ATP9B: variants seen among roughly 807,000 people sequenced by gnomAD.
ATP9B encodes the protein probable phospholipid-transporting ATPase IIB.
A neutral mutation model predicts 146.1 loss-of-function variants in ATP9B; 110 were observed. The observed-to-expected ratio is 0.75, with a 90% CI of 0.65 to 0.88. The LOEUF is 0.88. Ranked by LOEUF, ATP9B falls within the 40% of genes least tolerant of loss-of-function variation. The pLI is 0.00. For synonymous variants in ATP9B, 604 were observed against 569.7 expected (o/e 1.06, Z -0.86); for missense variants, 1,499 against 1,496.4 (o/e 1.00, Z -0.03).
At position 79,342,269 on chromosome 18, in the gene ATP9B, T is replaced by C; in HGVS notation, c.2285T>C (p.Ile762Thr). The change falls in exon 20 of 30, where the codon ATA becomes ACA. Residue 762 changes from isoleucine (I) to threonine (T), a missense_variant and splice_region_variant. Physicochemically the swap from Ile to Thr is moderately conservative, Grantham distance 89 (BLOSUM62 -1). Coordinates refer to ENST00000426216, the MANE Select transcript of ATP9B (RefSeq NM_198531.5). ...LEMLRNAGIKIWMLTGDKLET... is the reference protein window; with the variant it reads ...LEMLRNAGIKTWMLTGDKLET... Reference sequence around the variant, plus strand: ...TCACCAGTTTAAATTGTTCCCTAGATATGGATGCTAACAGGCGATAAACTC... The same window carrying C: ...TCACCAGTTTAAATTGTTCCCTAGACATGGATGCTAACAGGCGATAAACTC... 8.7e-6 allele frequency: 14 copies of C among 1,610,852 alleles called. No homozygotes were observed. The highest frequency in any genetic ancestry group is 1.1e-5 in the Non-Finnish European group (13 of 1,177,304).
intron 9 of ATP9B, among the ~76,000 whole-genome samples, chr18:79,201,633 T>C (rs1035602442): frequency 7.9e-5 from 12 of 152,094 alleles, no homozygotes; most frequent in Non-Finnish European, 1.2e-4. Flanking sequence ...TGCAGTGGCG[T>C]GATCTCGGCT....
intron 15 of ATP9B, 53 bp downstream of exon 15, chr18:79,307,287 A>G (rs2096624914): frequency 6.2e-7 from 1 of 1,607,004 alleles, no homozygotes; most frequent in Non-Finnish European, 8.5e-7. Context: ...TGGACTCCAG[A>G]GTCATGAGGA....
chr18:79,299,759 A>G (rs897652868), intron 13 of ATP9B: 2 of 152,274 alleles, frequency 1.3e-5, no homozygotes, highest in African/African-American at 4.8e-5. Context: ...CCTGCAGGTT[A>G]CAGCAGGATT....
At position 79,337,407 on chromosome 18, in the gene ATP9B, C is replaced by T. The variant is rs201468384; in HGVS notation, c.2241C>T (p.Asp747=). Residue 747 remains aspartate (D), a synonymous_variant, in exon 19 of 30, where the codon GAC becomes GAT. Coordinates refer to ENST00000426216, the MANE Select transcript of ATP9B (RefSeq NM_198531.5). ...LTGVEDQLQA[D]VRPTLEMLRN... ...GCGTGGAGGACCAGCTGCAGGCAGA[C>T]GTGCGGCCCACGCTGGAGATGCTGC... 99 of 1,613,636 alleles carry T rather than the reference C, an allele frequency of 6.1e-5. No homozygotes were observed. The East Asian group carries it at 1.8e-3, about 30-fold the overall frequency.
At chr18:79,246,776 G>C (rs1344090941) in intron 11 of ATP9B, among the ~76,000 whole-genome samples, 4 of 152,176 alleles carry the variant, frequency 2.6e-5, no homozygotes, top group African/African-American at 9.6e-5. Context: ...GTGTGAGTAC[G>C]ACTCTGAGAC....
At position 79,245,763 on chromosome 18, in the gene ATP9B, G is replaced by GCCCTACTGACTGAGGAGGGCACCA. The variant is rs1568483552; in HGVS notation, c.1108-7598_1108-7575dup. ...CGCCCTGCTGACTGAGGAGGGCACC[G>GCCCTACTGACTGAGGAGGGCACCA]CCCTACTGACTGAGGAGGGCACCAC... On this transcript the variant is annotated intron_variant, in intron 11 of 29. Coordinates refer to ENST00000426216, the MANE Select transcript of ATP9B (RefSeq NM_198531.5). 9.3e-4 allele frequency among the ~76,000 whole-genome samples: 90 copies of GCCCTACTGACTGAGGAGGGCACCA among 96,968 alleles called. 1 individual carries two copies. Among genetic ancestry groups the GCCCTACTGACTGAGGAGGGCACCA allele is most frequent in the African/African-American group, 2.6e-3 (77 of 29,264 alleles). The allele number at this position is 96,968 out of a possible 152,430, so 63.6% of individuals were successfully genotyped here. A position where few individuals can be genotyped will look rare whatever the true frequency, so the allele number is the denominator to read the frequency against.
chr18:79,290,717 G>A (rs1173351024), intron 13 of ATP9B, among the ~76,000 whole-genome samples: 3 of 152,222 alleles, frequency 2.0e-5, no homozygotes, highest in Non-Finnish European at 4.4e-5. Context: ...TGCTCACGCT[G>A]GGAGCTGTAG....
chr18:79,111,694 G>A (rs540724818), intron 3 of ATP9B, among the ~76,000 whole-genome samples: 5 of 152,286 alleles, frequency 3.3e-5, no homozygotes, highest in African/African-American at 7.2e-5. Flanking sequence ...GATTGCAGTC[G>A]TTTAAAGCCA....
intron 1 of ATP9B, among the ~76,000 whole-genome samples, chr18:79,071,049 C>CTTTTTTCTTTTTTTTTTTTTTTTT (rs1555723402): frequency 1.2e-4 from 14 of 112,360 alleles, no homozygotes; most frequent in African/African-American, 4.2e-4. Context: ...ATTCCTGTTT[C>CTTTTTTCTTTTTTTTTTTTTTTTT]TTTTTTTTTT....
At chr18:79,088,388 A>G (rs2074027016) in intron 1 of ATP9B, among the ~76,000 whole-genome samples, 2 of 152,234 alleles carry the variant, frequency 1.3e-5, no homozygotes, top group Admixed American at 1.3e-4. Flanking sequence ...GACTGTTTTA[A>G]AAGAAGTGAT....
At chr18:79,326,980 G>A (rs2096751012) in intron 15 of ATP9B, among the ~76,000 whole-genome samples, 2 of 152,200 alleles carry the variant, frequency 1.3e-5, no homozygotes, top group Non-Finnish European at 2.9e-5. Flanking sequence ...CAAGGACCCT[G>A]GGGTTGCAGA....
At chr18:79,188,092 A>G (rs1405037947) in intron 8 of ATP9B, among the ~76,000 whole-genome samples, 3 of 152,126 alleles carry the variant, frequency 2.0e-5, no homozygotes, top group Non-Finnish European at 4.4e-5. Flanking sequence ...TAGAATCAAC[A>G]GGAAAGAGAA....
At chr18:79,192,368 A>T (rs942865553) in intron 8 of ATP9B, among the ~76,000 whole-genome samples, 2 of 152,126 alleles carry the variant, frequency 1.3e-5, no homozygotes, top group South Asian at 2.1e-4. Flanking sequence ...AGACCACCCG[A>T]AATTAGATGG....
intron 3 of ATP9B, among the ~76,000 whole-genome samples, chr18:79,112,472 A>G (rs2093992072): frequency 6.6e-6 from 1 of 152,208 alleles, no homozygotes; most frequent in Admixed American, 6.5e-5. Flanking sequence ...ACCTTTCAGT[A>G]TTGACATTCC....
At chr18:79,072,779 G>C (rs1442398517) in intron 1 of ATP9B, among the ~76,000 whole-genome samples, 2 of 152,024 alleles carry the variant, frequency 1.3e-5, no homozygotes, top group Non-Finnish European at 2.9e-5. Flanking sequence ...GGGCGGAGAT[G>C]CTTCTCACCT....
intron 12 of ATP9B, among the ~76,000 whole-genome samples, chr18:79,271,805 A>T (rs1172626984): frequency 6.6e-6 from 1 of 152,092 alleles, no homozygotes; most frequent in East Asian, 1.9e-4. Flanking sequence ...ATCCCTGAGG[A>T]ATCACCACAC....
intron 26 of ATP9B, chr18:79,361,066 G>A (rs1489860536): frequency 2.0e-5 from 3 of 152,168 alleles, no homozygotes; most frequent in Non-Finnish European, 1.5e-5. Flanking sequence ...AAACCTCGAT[G>A]CGCTACCCTC....
intron 15 of ATP9B, among the ~76,000 whole-genome samples, chr18:79,315,733 C>T (rs1012916935): frequency 3.3e-5 from 5 of 152,194 alleles, no homozygotes; most frequent in Admixed American, 1.3e-4. Flanking sequence ...TCTGGCTGTG[C>T]TACTCTTGGG....
rs1215504672 is a variant in ATP9B at position 79,208,402 on chromosome 18, G to A, written c.1030+1390G>A. Among the ~76,000 whole-genome samples the A allele has an allele frequency of 5.9e-5, 9 of 152,314 alleles. No homozygotes were observed. The East Asian group carries it at 1.4e-3, about 23-fold the overall frequency. On this transcript the variant is annotated intron_variant, in intron 10 of 29. Coordinates refer to ENST00000426216, the MANE Select transcript of ATP9B (RefSeq NM_198531.5). ...ATTCCTGCTAGCAGCCTAGTACTGA[G>A]AGACAGTACCTTGAAGAAAAGGATC... is the stretch of plus-strand genomic sequence containing the variant.
Sources: gnomAD v4.1 joint callset for allele counts (sites outside exome capture counted in the v4.1 genomes callset) on GRCh38, gnomAD v4.1.1 for gene constraint, MANE v1.5 for transcripts, NCBI Gene and HGNC (gene_info 2026-07-23, HGNC 2026-07-21) for gene names.